PDLIM3: variants seen among roughly 807,000 people sequenced by gnomAD.
The protein encoded by PDLIM3 is PDZ and LIM domain 3.
Under a neutral mutation model 37.3 loss-of-function variants are expected in PDLIM3, and 36 were observed. That is an observed-to-expected ratio of 0.97 (90% confidence interval 0.74 to 1.28). PDLIM3 has a LOEUF of 1.28. PDLIM3 is among the 50% of genes most tolerant of loss of function. The pLI is 0.00. For synonymous variants in PDLIM3, 174 were observed against 182.4 expected (o/e 0.95, Z 0.37); for missense variants, 454 against 485.0 (o/e 0.94, Z 0.60).
chr4:185,523,139 G>A, intron 3 of PDLIM3: 1 of 489,170 alleles, frequency 2.0e-6, no homozygotes, highest in Non-Finnish European at 3.6e-6. Context: ...TCTTTCTGAT[G>A]GGAGCATATT....
chr4:185,532,953 A>C (rs981262585), intron 1 of PDLIM3, among the ~76,000 whole-genome samples: 32 of 152,168 alleles, frequency 2.1e-4, no homozygotes, highest in Non-Finnish European at 2.2e-4. Context: ...AACTCTTTAG[A>C]AATATTGGAA....
Position 185,535,009 on chromosome 4 carries a change from TA to T in PDLIM3, c.93+332del, listed in dbSNP as rs1279191484. ...TGTGTTTTATTTCTGTTATCACATA[TA>T]AAACATTTAAAACCTAAAGGGGAGG... On this transcript the variant is annotated intron_variant, in intron 1 of 7. Transcript: ENST00000284767. Among the ~76,000 whole-genome samples the T allele has an allele frequency of 3.3e-5, 5 of 152,178 alleles. No individual in the cohort carries two copies. In the East Asian group the frequency reaches 9.6e-4, roughly 29 times the overall value.
Position 185,508,317 on chromosome 4 carries a change from C to T in PDLIM3, c.644G>A (p.Gly215Glu), listed in dbSNP as rs1248601284. The change falls in exon 5 of 8, where the codon GGG becomes GAG. Residue 215 changes from glycine (G) to glutamate (E), a missense_variant. Physicochemically the swap from Gly to Glu is moderately conservative, Grantham distance 98. Coordinates refer to ENST00000284767, the MANE Select transcript of PDLIM3 (RefSeq NM_014476.6). ...TLQGQVSTAL[G>E]ETPLMSEPTA... ...ATATTACCTCATCAAAGGTGTTTCC[C>T]CTAGGGCTGTTGAAACCTGACCCTG... is the stretch of plus-strand genomic sequence containing the variant. The T allele has an allele frequency of 6.2e-7, 1 of 1,613,980 alleles. No individual in the cohort carries two copies. The highest frequency in any genetic ancestry group is 1.3e-5 in the African/African-American group (1 of 74,908).
In PDLIM3 at chr4:185,522,081, C is replaced by T. The variant is rs1372858373; in HGVS notation, c.330+1281G>A. On this transcript the variant is annotated intron_variant, in intron 3 of 7. Transcript: ENST00000284767. ...TCTAAAGATTACATTACTCAGGATCCTTCTTCTCCAGGAGAGATTATATTT... is the reference window on the plus strand; with the variant it reads ...TCTAAAGATTACATTACTCAGGATCTTTCTTCTCCAGGAGAGATTATATTT... 3.0e-5 allele frequency among the ~76,000 whole-genome samples: 2 copies of T among 66,654 alleles called. 1 individual carries two copies. Among genetic ancestry groups the T allele is most frequent in the African/African-American group, 5.5e-5 (2 of 36,608 alleles). 43.7% of individuals were successfully genotyped at this position (66,654 alleles called of 152,430 possible). A position where few individuals can be genotyped will look rare whatever the true frequency, so the allele number is the denominator to read the frequency against.
intron 2 of PDLIM3, 94 bp downstream of exon 2, chr4:185,524,926 G>A (rs2095730315): frequency 8.2e-7 from 1 of 1,224,846 alleles, no homozygotes; most frequent in South Asian, 1.2e-5. Flanking sequence ...TAGGTCTGTG[G>A]CCCTCCTTGC....
chr4:185,502,544 G>T, intron 7 of PDLIM3, 61 bp from the exon 8 acceptor site: 1 of 1,479,900 alleles, frequency 6.8e-7, no homozygotes, highest in Non-Finnish European at 9.5e-7. Flanking sequence ...TGAGACAAAG[G>T]AGAGAACCCA....
At chr4:185,513,739 T>A in intron 4 of PDLIM3, 1 of 1,022,150 alleles carries the variant, frequency 9.8e-7, no homozygotes, top group South Asian at 3.9e-5. Context: ...GATTTGGCAA[T>A]ACAGGGCATT....
chr4:185,512,680 T>A, intron 4 of PDLIM3: 1 of 985,414 alleles, frequency 1.0e-6, no homozygotes, highest in Non-Finnish European at 1.2e-6. Flanking sequence ...TCAAGCCTTC[T>A]GAAGCCCCAG....
At chr4:185,529,623 G>A (rs976182037) in intron 1 of PDLIM3, among the ~76,000 whole-genome samples, 2 of 152,124 alleles carry the variant, frequency 1.3e-5, no homozygotes, top group East Asian at 1.9e-4. Flanking sequence ...ACCCCACACC[G>A]GTTATATTAG....
At chr4:185,513,003 T>G in intron 4 of PDLIM3, 1 of 985,468 alleles carries the variant, frequency 1.0e-6, no homozygotes, top group Non-Finnish European at 1.2e-6. Flanking sequence ...GGAAATGTTG[T>G]GCACCCTCAG....
At position 185,514,756 on chromosome 4, in the gene PDLIM3, T is replaced by C. The variant is rs1561196147; in HGVS notation, c.331-419A>G. The C allele has an allele frequency of 1.0e-5, 16 of 1,552,110 alleles. No homozygotes were observed. Among genetic ancestry groups the C allele is most frequent in the Non-Finnish European group, 1.4e-5 (16 of 1,147,070 alleles). On this transcript the variant is annotated intron_variant, in intron 3 of 7. Transcript: ENST00000284767. This position sits in a 1 kb window ranked among gnomAD's most constrained non-coding sequence, Gnocchi z 4.0. ...GCAGCTGTCCGTGAAGCGCATCTTG[T>C]ATATTGCTAGTTGAATAGAGCCCAA...
chr4:185,502,177 C>T lies in PDLIM3; in HGVS notation c.*117G>A, dbSNP rs2095688043. On this transcript the variant is annotated 3_prime_UTR_variant, in exon 8 of 8. Transcript: ENST00000284767. ...AAACAATAGGATAAAGGTCTAAAGC[C>T]TTGACTTTAGATTTGGAGTTGACAA... is the stretch of plus-strand genomic sequence containing the variant. 9.3e-7 allele frequency: 1 copy of T among 1,071,670 alleles called. No individual in the cohort carries two copies. The highest frequency in any genetic ancestry group is 2.4e-5 in the East Asian group (1 of 41,864). 66.4% of individuals were successfully genotyped at this position (1,071,670 alleles called of 1,614,324 possible). A position where few individuals can be genotyped will look rare whatever the true frequency, so the allele number is the denominator to read the frequency against.
chr4:185,524,015 G>T (rs1455211506), intron 2 of PDLIM3, among the ~76,000 whole-genome samples: 1 of 151,520 alleles, frequency 6.6e-6, no homozygotes, highest in African/African-American at 2.4e-5. Flanking sequence ...GGCCTGCAAG[G>T]CATGTGGGAA....
intron 4 of PDLIM3, among the ~76,000 whole-genome samples, chr4:185,509,603 A>T (rs1172866789): frequency 6.6e-6 from 1 of 152,130 alleles, no homozygotes; most frequent in Non-Finnish European, 1.5e-5. Flanking sequence ...AGATTTTTGT[A>T]AAAAAAGCAT....
chr4:185,501,735 GC>G lies in PDLIM3; in HGVS notation c.*558del, dbSNP rs1373431003. Reference sequence around the variant, plus strand: ...TTGATTTTATTTGAATTCAATGAATGCCACTTCATTAGGTATTTTTTAAATC... The same window carrying G: ...TTGATTTTATTTGAATTCAATGAATGCACTTCATTAGGTATTTTTTAAATC... On this transcript the variant is annotated 3_prime_UTR_variant, in exon 8 of 8. Transcript: ENST00000284767. 2 of 155,628 alleles carry G rather than the reference GC, an allele frequency of 1.3e-5. No homozygotes were observed. Among genetic ancestry groups the G allele is most frequent in the Non-Finnish European group, 2.9e-5 (2 of 70,144 alleles). 9.6% of individuals were successfully genotyped at this position (155,628 alleles called of 1,614,324 possible). A position where few individuals can be genotyped will look rare whatever the true frequency, so the allele number is the denominator to read the frequency against.
chr4:185,529,443 A>G (rs1451348852), intron 1 of PDLIM3, among the ~76,000 whole-genome samples: 1 of 152,208 alleles, frequency 6.6e-6, no homozygotes, highest in Non-Finnish European at 1.5e-5. Flanking sequence ...AACGACTGAA[A>G]TAGTTATGGA....
intron 4 of PDLIM3, chr4:185,513,772 A>G: frequency 9.7e-7 from 1 of 1,031,350 alleles, no homozygotes; most frequent in Non-Finnish European, 1.2e-6. Flanking sequence ...CTTAGGTTGG[A>G]GTTCAATTTC....
chr4:185,515,559 G>A (rs2016098), intron 3 of PDLIM3: 104,218 of 152,078 alleles, frequency 0.69, 40,910 homozygotes, highest in Non-Finnish European at 0.87. Flanking sequence ...ATGATTTCAT[G>A]TTGTGTGTTT....
intron 3 of PDLIM3, chr4:185,515,748 T>C (rs1053812549): frequency 7.9e-5 from 12 of 152,186 alleles, no homozygotes; most frequent in Admixed American, 7.2e-4. Flanking sequence ...CTATAATTTT[T>C]TTTTTTAACG....
Sources: allele counts gnomAD v4.1 joint callset (sites outside exome capture counted in the v4.1 genomes callset), GRCh38; gene constraint gnomAD v4.1.1; non-coding constraint Gnocchi (gnomAD v3.1); transcripts MANE v1.5; gene names NCBI Gene and HGNC (gene_info 2026-07-23, HGNC 2026-07-21).